MYO9B: variants seen among roughly 807,000 people sequenced by gnomAD.
MYO9B encodes the protein myosin IXB.
A neutral mutation model predicts 229.5 loss-of-function variants in MYO9B; 71 were observed. That is an observed-to-expected ratio of 0.31 (90% CI 0.26 to 0.38). The LOEUF (loss-of-function observed/expected upper bound fraction) is 0.38. MYO9B is among the 10% of genes least tolerant of loss of function. The pLI is 1.00. For missense variants in MYO9B, 2,255 were observed against 2,920.5 expected (o/e 0.77, Z 5.25); for synonymous variants, 1,185 against 1,235.8 (o/e 0.96, Z 0.86).
At chr19:17,107,232 TCAAAAAAATAA>T (rs2057800848) in intron 2 of MYO9B, among the ~76,000 whole-genome samples, 1 of 152,000 alleles carries the variant, frequency 6.6e-6, no homozygotes, top group Non-Finnish European at 1.5e-5. Flanking sequence ...AGACCCTGTC[TCAAAAAAATAA>T]CAAAAAAAAT....
chr19:17,195,464 C>G lies in MYO9B; in HGVS notation c.4037C>G (p.Thr1346Arg), dbSNP rs368137053. The G allele has an allele frequency of 6.3e-7, 1 of 1,595,548 alleles. No individual in the cohort carries two copies. Among genetic ancestry groups the G allele is most frequent in the Non-Finnish European group, 8.5e-7 (1 of 1,176,086 alleles). Residue 1346 changes from threonine to arginine, a missense_variant, in exon 22 of 40, where the codon ACG becomes AGG. This residue lies in a region of MYO9B where 679 missense variants were observed against 770.2 expected (regional missense o/e 0.88). Coordinates refer to ENST00000682292, the MANE Select transcript of MYO9B (RefSeq NM_004145.4). The surrounding 1 kb of genome is among the most constrained non-coding windows in gnomAD (Gnocchi z 4.5). ...CACCGGGCCACAGGGGCCGCCCTCA[C>G]GCCCACAGAGTAAGCCCCACACCCT... The part of the protein sequence containing the change: ...DRHRATGAAL[T>R]PTEERRTSFS...
At chr19:17,144,552 G>T (rs996718259) in intron 2 of MYO9B, among the ~76,000 whole-genome samples, 1 of 150,074 alleles carries the variant, frequency 6.7e-6, no homozygotes. Context: ...AGCCAAGATC[G>T]CAACACTGCA....
chr19:17,131,647 G>GA (rs2072197523), intron 2 of MYO9B, among the ~76,000 whole-genome samples: 1 of 152,136 alleles, frequency 6.6e-6, no homozygotes, highest in African/African-American at 2.4e-5. Flanking sequence ...TCAAAGGCAG[G>GA]GGCGTTTGGA....
chr19:17,108,265 G>A (rs1214215993), intron 2 of MYO9B, among the ~76,000 whole-genome samples: 1 of 152,204 alleles, frequency 6.6e-6, no homozygotes, highest in Non-Finnish European at 1.5e-5. Context: ...GCCCACGCCG[G>A]CTTCCAAAAC....
At chr19:17,206,622 C>A (rs1834278950) in intron 33 of MYO9B, 57 bp from the exon 34 acceptor site, 1 of 1,464,384 alleles carries the variant, frequency 6.8e-7, no homozygotes, top group Non-Finnish European at 9.3e-7. Context: ...TTGGTGGGGA[C>A]AACAGGCACC....
chr19:17,106,795 G>T (rs1216857983), intron 2 of MYO9B, among the ~76,000 whole-genome samples: 1 of 152,180 alleles, frequency 6.6e-6, no homozygotes, highest in Non-Finnish European at 1.5e-5. Context: ...GGGTGCAGTG[G>T]CTCATGCCTG....
chr19:17,142,424 A>ATTG (rs2072353214), intron 2 of MYO9B, among the ~76,000 whole-genome samples: 1 of 152,138 alleles, frequency 6.6e-6, no homozygotes, highest in Non-Finnish European at 1.5e-5. Context: ...ATGCCACTGA[A>ATTG]TTGTACACTT....
chr19:17,143,056 T>A (rs550557324), intron 2 of MYO9B, among the ~76,000 whole-genome samples: 1 of 152,152 alleles, frequency 6.6e-6, no homozygotes, highest in African/African-American at 2.4e-5. Context: ...CTGGACAACA[T>A]GGGAAAACCC....
In MYO9B at chr19:17,177,839, C is replaced by T. The variant is rs1428801531; in HGVS notation, c.2219+2098C>T. 7.9e-5 allele frequency: 12 copies of T among 152,704 alleles called. 2 individuals are homozygous for T. In the Middle Eastern group the frequency reaches 0.031, roughly 390 times the overall value. 9.5% of individuals were successfully genotyped at this position (152,704 alleles called of 1,614,324 possible). A position where few individuals can be genotyped will look rare whatever the true frequency, so the allele number is the denominator to read the frequency against. ...TCTCATTTGACGGCTCTGAGGAGTT[C>T]GATATTAACGCTTTTGAGGACATCA... On this transcript the variant is annotated intron_variant, in intron 14 of 39. Transcript: ENST00000682292.
intron 2 of MYO9B, among the ~76,000 whole-genome samples, chr19:17,132,263 G>A (rs927304079): frequency 8.0e-6 from 1 of 125,298 alleles, no homozygotes; most frequent in Non-Finnish European, 1.5e-5. Context: ...TTGACTCACT[G>A]CAACCTCCAC....
At chr19:17,119,829 T>A (rs1025712697) in intron 2 of MYO9B, among the ~76,000 whole-genome samples, 1 of 152,090 alleles carries the variant, frequency 6.6e-6, no homozygotes, top group East Asian at 1.9e-4. Flanking sequence ...TTTTTAATTT[T>A]AGTAGAGATG....
At chr19:17,139,597 G>C (rs1358444301) in intron 2 of MYO9B, among the ~76,000 whole-genome samples, 1 of 152,094 alleles carries the variant, frequency 6.6e-6, no homozygotes, top group Non-Finnish European at 1.5e-5. Flanking sequence ...AATAAGCCAG[G>C]TGTGCTGACA....
intron 2 of MYO9B, among the ~76,000 whole-genome samples, chr19:17,144,267 AATG>A (rs2072379176): frequency 6.6e-6 from 1 of 152,112 alleles, no homozygotes; most frequent in African/African-American, 2.4e-5. Context: ...CAACAGATAA[AATG>A]ATGTTTTTGC....
intron 2 of MYO9B, among the ~76,000 whole-genome samples, chr19:17,136,704 A>G (rs529363928): frequency 6.6e-6 from 1 of 152,208 alleles, no homozygotes; most frequent in African/African-American, 2.4e-5. Context: ...ATAGGCACCC[A>G]GGAAAGTCAA....
chr19:17,119,321 G>A (rs1418867043), intron 2 of MYO9B, among the ~76,000 whole-genome samples: 2 of 152,160 alleles, frequency 1.3e-5, no homozygotes, highest in Non-Finnish European at 2.9e-5. Flanking sequence ...CATGGGGTGT[G>A]GCTCCCACTG....
At chr19:17,166,163 C>T (rs2072657396) in intron 10 of MYO9B, among the ~76,000 whole-genome samples, 1 of 152,126 alleles carries the variant, frequency 6.6e-6, no homozygotes, top group Non-Finnish European at 1.5e-5. Flanking sequence ...CTGCCCCAGC[C>T]TCCCCAGTAG....
At position 17,172,746 on chromosome 19, in the gene MYO9B, C is replaced by T. The variant is rs1273292731; in HGVS notation, c.1936-13C>T. On this transcript the variant is annotated splice_polypyrimidine_tract_variant and intron_variant, in intron 12 of 39. Transcript: ENST00000682292. This position sits in a 1 kb window ranked among gnomAD's most constrained non-coding sequence, Gnocchi z 8.2. ...CTATCCCCGAGTGACCGCCCACATC[C>T]ATCCCCCACCAGGACTTCCGGGAGA... is the stretch of plus-strand genomic sequence containing the variant. The T allele has an allele frequency of 2.5e-6, 4 of 1,612,876 alleles. No homozygotes were observed. Among genetic ancestry groups the T allele is most frequent in the East Asian group, 4.5e-5 (2 of 44,894 alleles).
At chr19:17,078,213 A>C (rs955656942) in intron 1 of MYO9B, among the ~76,000 whole-genome samples, 1 of 152,144 alleles carries the variant, frequency 6.6e-6, no homozygotes, top group African/African-American at 2.4e-5. Context: ...GGACACGCTA[A>C]TGCCCGCCCC....
chr19:17,158,646 T>C (rs1288375131), intron 7 of MYO9B, among the ~76,000 whole-genome samples: 1 of 150,368 alleles, frequency 6.7e-6, no homozygotes, highest in African/African-American at 2.4e-5. Flanking sequence ...TTGCTGCTGG[T>C]GGGCAGAGAC....
Sources: allele counts gnomAD v4.1 joint callset (sites outside exome capture counted in the v4.1 genomes callset), GRCh38; gene constraint gnomAD v4.1.1; regional missense constraint gnomAD v4.1.1; non-coding constraint Gnocchi (gnomAD v3.1); transcripts MANE v1.5; gene names NCBI Gene and HGNC (gene_info 2026-07-23, HGNC 2026-07-21).